SLC24A2: variants seen among roughly 807,000 people sequenced by gnomAD.
The protein encoded by SLC24A2 is solute carrier family 24 member 2, also known as sodium/potassium/calcium exchanger 2.
A neutral mutation model predicts 62.0 loss-of-function variants in SLC24A2; 36 were observed. The ratio of observed to expected loss-of-function variants is 0.58; its 90% confidence interval spans 0.44 to 0.77. The LOEUF (loss-of-function observed/expected upper bound fraction) is 0.77, where lower values mean the gene tolerates loss of function less well. Among genes scored for constraint, SLC24A2 ranks in the 30% least tolerant of loss-of-function variants. The probability of loss-of-function intolerance (pLI) is 0.00; values close to 1 mark genes in which losing one functional copy is unlikely to be tolerated. For missense variants in SLC24A2, 846 were observed against 817.9 expected (o/e 1.03, Z -0.42); for synonymous variants, 358 against 294.0 (o/e 1.22, Z -2.23).
At chr9:19,636,386 T>TCTTCCTTCCTTCCTCCCTCC (rs1554690439) in intron 2 of SLC24A2, among the ~76,000 whole-genome samples, 1 of 23,396 alleles carries the variant, frequency 4.3e-5, no homozygotes, top group Non-Finnish European at 8.7e-5. Context: ...TTTCTTTCTT[T>TCTTCCTTCCTTCCTCCCTCC]CTCCCTCTCT....
At chr9:19,613,473 C>G (rs1424948121) in intron 4 of SLC24A2, among the ~76,000 whole-genome samples, 2 of 152,136 alleles carry the variant, frequency 1.3e-5, no homozygotes, top group Non-Finnish European at 2.9e-5. Flanking sequence ...GAAGATATCA[C>G]CATTTTTTCT....
At chr9:19,876,365 C>CAT in the SLC24A2 span, among the ~76,000 whole-genome samples, 1 of 145,524 alleles carries the variant, frequency 6.9e-6, no homozygotes, top group African/African-American at 2.5e-5. Flanking sequence ...TTATTGAAGG[C>CAT]GTGTGTGTGT....
intron 5 of SLC24A2, among the ~76,000 whole-genome samples, chr9:19,596,391 AATATT>A (rs1222440751): frequency 1.3e-5 from 2 of 152,218 alleles, no homozygotes; most frequent in African/African-American, 4.8e-5. Flanking sequence ...ATAACTTACA[AATATT>A]ATATATTTTT....
chr9:19,880,052 A>T, the SLC24A2 span, among the ~76,000 whole-genome samples: 1 of 152,160 alleles, frequency 6.6e-6, no homozygotes, highest in South Asian at 2.1e-4. Flanking sequence ...CTAGAGTCAA[A>T]ATCTACTTAT....
the SLC24A2 span, among the ~76,000 whole-genome samples, chr9:20,126,828 G>C: frequency 6.6e-6 from 1 of 152,056 alleles, no homozygotes; most frequent in Non-Finnish European, 1.5e-5. Flanking sequence ...GAGAGGGGGA[G>C]AATGTAGTGC....
At chr9:19,575,293 C>T (rs989509479) in intron 6 of SLC24A2, among the ~76,000 whole-genome samples, 1 of 152,046 alleles carries the variant, frequency 6.6e-6, no homozygotes, top group African/African-American at 2.4e-5. Flanking sequence ...CATGAAGAAC[C>T]TTGGGTGAAT....
chr9:20,218,198 C>T, the SLC24A2 span, among the ~76,000 whole-genome samples: 24 of 152,262 alleles, frequency 1.6e-4, no homozygotes, highest in Admixed American at 7.8e-4. Context: ...ACTTAGATCT[C>T]GAGATTCATC....
At chr9:20,153,073 T>A in the SLC24A2 span, among the ~76,000 whole-genome samples, 9,106 of 151,856 alleles carry the variant, frequency 0.06, 594 homozygotes, top group East Asian at 0.31. Context: ...ATACAGAAAA[T>A]TTAGAAACCT....
intron 2 of SLC24A2, among the ~76,000 whole-genome samples, chr9:19,650,664 T>C (rs1438142923): frequency 3.3e-5 from 5 of 151,794 alleles, no homozygotes; most frequent in Admixed American, 3.3e-4. Flanking sequence ...TGTTCTGGAG[T>C]GGATCAATTT....
At chr9:19,544,251 C>G (rs554578788) in intron 8 of SLC24A2, among the ~76,000 whole-genome samples, 14 of 47,020 alleles carry the variant, frequency 3.0e-4, no homozygotes, top group African/African-American at 1.0e-3. Context: ...GATTGCAACC[C>G]CTGCTTTTTT....
the SLC24A2 span, among the ~76,000 whole-genome samples, chr9:20,294,084 T>A: frequency 6.6e-6 from 1 of 152,088 alleles, no homozygotes; most frequent in Non-Finnish European, 1.5e-5. Context: ...GACCATCATC[T>A]TCTTGTTTTG....
chr9:19,528,663 C>T (rs1833545682), intron 8 of SLC24A2, among the ~76,000 whole-genome samples: 1 of 152,132 alleles, frequency 6.6e-6, no homozygotes, highest in Non-Finnish European at 1.5e-5. Context: ...TACAGTACCA[C>T]AAATTATCAA....
intron 2 of SLC24A2, among the ~76,000 whole-genome samples, chr9:19,757,008 C>T (rs1822163242): frequency 7.0e-6 from 1 of 142,590 alleles, no homozygotes; most frequent in African/African-American, 2.6e-5. Context: ...CTCCTGGGCT[C>T]AGGCAATCTT....
the SLC24A2 span, among the ~76,000 whole-genome samples, chr9:19,945,905 C>G: frequency 6.6e-6 from 1 of 152,234 alleles, no homozygotes; most frequent in Admixed American, 6.5e-5. Flanking sequence ...TCCTATTCCA[C>G]ATCAGCTGTA....
At chr9:20,093,291 C>T in the SLC24A2 span, among the ~76,000 whole-genome samples, 1 of 151,838 alleles carries the variant, frequency 6.6e-6, no homozygotes, top group Non-Finnish European at 1.5e-5. Context: ...AGGCTGGTCT[C>T]GAACTCCTGA....
intron 2 of SLC24A2, among the ~76,000 whole-genome samples, chr9:19,667,194 C>T (rs1471699689): frequency 1.3e-5 from 2 of 152,172 alleles, no homozygotes; most frequent in African/African-American, 4.8e-5. Context: ...TTGCTAAAAT[C>T]ATGACAGAGA....
At chr9:20,031,143 TGTA>T in the SLC24A2 span, among the ~76,000 whole-genome samples, 1 of 151,614 alleles carries the variant, frequency 6.6e-6, no homozygotes, top group Admixed American at 6.6e-5. Flanking sequence ...CACATATATA[TGTA>T]TACACACACA....
chr9:19,633,660 T>C (rs1210413716), intron 2 of SLC24A2, among the ~76,000 whole-genome samples: 1 of 152,222 alleles, frequency 6.6e-6, no homozygotes, highest in Non-Finnish European at 1.5e-5. Flanking sequence ...ATCAACTTTA[T>C]TGCAGTATTA....
At chr9:20,049,162 A>G in the SLC24A2 span, among the ~76,000 whole-genome samples, 6 of 152,160 alleles carry the variant, frequency 3.9e-5, no homozygotes, top group Non-Finnish European at 7.3e-5. Flanking sequence ...GATGGGCAGC[A>G]AACTCTATTT....
Sources: allele counts gnomAD v4.1 joint callset (sites outside exome capture counted in the v4.1 genomes callset), GRCh38; gene constraint gnomAD v4.1.1; transcripts MANE v1.5; gene names NCBI Gene and HGNC (gene_info 2026-07-23, HGNC 2026-07-21).